Variants in FBH1 observed in about 807,000 individuals in gnomAD.
FBH1 encodes the protein F-box DNA helicase 1, also known as DNA 3'-5' helicase 1.
FBH1 carries 43 observed loss-of-function variants against 115.5 expected under a neutral mutation model. The observed-to-expected ratio is 0.37, with a 90% CI of 0.29 to 0.48. FBH1 has a LOEUF of 0.48. Ranked by LOEUF, FBH1 falls within the 20% of genes least tolerant of loss-of-function variation. The pLI, the probability that FBH1 is intolerant of heterozygous loss-of-function variation, is 0.99. For synonymous variants in FBH1, 524 were observed against 507.8 expected (o/e 1.03, Z -0.43); for missense variants, 1,001 against 1,337.3 (o/e 0.75, Z 3.92).
rs575545674 is a variant in FBH1 at position 5,909,807 on chromosome 10, C to T, written c.1020+513C>T. ...TCTTCGAAGCTACGTGCAACCTCTGCGTGTGTTTTACTGGCCACAGAGGGC... is the reference window on the plus strand; with the variant it reads ...TCTTCGAAGCTACGTGCAACCTCTGTGTGTGTTTTACTGGCCACAGAGGGC... On this transcript the variant is annotated intron_variant, in intron 5 of 20. Transcript: ENST00000362091. The surrounding 1 kb of genome is among the most constrained non-coding windows in gnomAD (Gnocchi z 4.4). Among the ~76,000 whole-genome samples the T allele has an allele frequency of 1.3e-5, 2 of 152,288 alleles. No individual in the cohort carries two copies. Among genetic ancestry groups the T allele is most frequent in the African/African-American group, 2.4e-5 (1 of 41,552 alleles).
At position 5,906,184 on chromosome 10, in the gene FBH1, C is replaced by T. The variant is rs1245640156; in HGVS notation, c.305C>T (p.Ala102Val). Reference sequence around the variant, plus strand: ...ATCTTTCCTGCAGAGAGCAGCTGTGCACTGCCTCAGGAAGGCAGTGCAGGG... The same window carrying T: ...ATCTTTCCTGCAGAGAGCAGCTGTGTACTGCCTCAGGAAGGCAGTGCAGGG... ...DMIFPAESSC[A>V]LPQEGSAGPG... Residue 102 changes from alanine (A) to valine (V), a missense_variant, in exon 3 of 21, where the codon GCA becomes GTA. Ala to Val is a moderately conservative substitution (Grantham distance 64). Coordinates refer to ENST00000362091, the MANE Select transcript of FBH1 (RefSeq NM_178150.3). The surrounding 1 kb of genome is among the most constrained non-coding windows in gnomAD (Gnocchi z 7.3). 1.9e-6 allele frequency: 3 copies of T among 1,614,210 alleles called. No individual in the cohort carries two copies. In the South Asian group the frequency reaches 3.3e-5, roughly 18 times the overall value.
At chr10:5,894,044 G>A in intron 1 of FBH1, 1 of 985,386 alleles carries the variant, frequency 1.0e-6, no homozygotes. Flanking sequence ...GTCTCCAAGG[G>A]AGTCACAGGT....
intron 9 of FBH1, 171 bp from the exon 10 acceptor site, chr10:5,916,063 A>T: frequency 1.6e-6 from 1 of 627,700 alleles, no homozygotes; most frequent in East Asian, 2.8e-5. Flanking sequence ...CCTGAAAGCC[A>T]TTTCCAGTCA....
chr10:5,906,468 T>C lies in FBH1; in HGVS notation c.589T>C (p.Tyr197His). 1 of 1,614,166 alleles carries C rather than the reference T, an allele frequency of 6.2e-7. No individual in the cohort carries two copies. The highest frequency in any genetic ancestry group is 1.3e-5 in the African/African-American group (1 of 75,020). Residue 197 changes from tyrosine (Y) to histidine (H), a missense_variant, in exon 3 of 21, where the codon TAT becomes CAT. Physicochemically the swap from Tyr to His is moderately conservative, Grantham distance 83. This residue lies in a region of FBH1 where 420 missense variants were observed against 430.4 expected (regional missense o/e 0.98). Transcript: ENST00000362091. The surrounding 1 kb of genome is among the most constrained non-coding windows in gnomAD (Gnocchi z 7.3). ...VGPDPIPDSY[Y>H]GLLGTLPCQE... ...TCCTGATCCCATTCCTGACTCATAC[T>C]ATGGGCTTCTTGGGACCTTGCCCTG...
In FBH1 at chr10:5,937,535, T is replaced by A. The variant is rs1412292110; in HGVS notation, c.*255T>A. On this transcript the variant is annotated 3_prime_UTR_variant, in exon 21 of 21. Transcript: ENST00000362091. ...CTTTTGATAAAAAAAAAAAAAAAAA[T>A]TTATGTATTTAAACTTTTATTACAA... 1.1e-4 allele frequency: 33 copies of A among 310,814 alleles called. No homozygotes were observed. The East Asian group carries it at 1.5e-3, about 14-fold the overall frequency. 19.3% of individuals were successfully genotyped at this position (310,814 alleles called of 1,614,324 possible).
chr10:5,892,353 G>T (rs1842782758), intron 1 of FBH1, among the ~76,000 whole-genome samples: 3 of 152,296 alleles, frequency 2.0e-5, no homozygotes, highest in Admixed American at 2.0e-4. Flanking sequence ...TTGTGAGTGT[G>T]TGTAGACACC....
chr10:5,917,111 T>A lies in FBH1; in HGVS notation c.1789-309T>A. 1 of 317,740 alleles carries A rather than the reference T, an allele frequency of 3.1e-6. No homozygotes were observed. The highest frequency in any genetic ancestry group is 4.7e-5 in the South Asian group (1 of 21,210). The allele number at this position is 317,740 out of a possible 1,614,324, so 19.7% of individuals were successfully genotyped here. ...TCAAGTCTTTTCAATCATGTGCCAT[T>A]GTTTTTGTGAATTAAGCATCAGTCA... is the stretch of plus-strand genomic sequence containing the variant. On this transcript the variant is annotated intron_variant, in intron 10 of 20. Transcript: ENST00000362091. The surrounding 1 kb of genome is among the most constrained non-coding windows in gnomAD (Gnocchi z 5.6).
In FBH1 at chr10:5,923,665, C is replaced by T; in HGVS notation, c.2367C>T (p.Ile789=). Residue 789 remains isoleucine (I), a synonymous_variant, in exon 16 of 21, where the codon ATC becomes ATT. Coordinates refer to ENST00000362091, the MANE Select transcript of FBH1 (RefSeq NM_178150.3). This position sits in a 1 kb window ranked among gnomAD's most constrained non-coding sequence, Gnocchi z 5.7. The stretch of plus-strand genomic sequence containing the variant: ...TGGACAGAATCATTGATATTTGGAT[C>T]CTTCTTCAGCCAGAGGAAGAACGGA... ...FGLDRIIDIW[I]LLQPEEERRK... The T allele has an allele frequency of 6.2e-7, 1 of 1,614,168 alleles. No homozygotes were observed. The highest frequency in any genetic ancestry group is 1.1e-5 in the South Asian group (1 of 91,080).
rs541527230 is a variant in FBH1, at chr10:5,933,245, G to A, written c.2830-3211G>A. 2.6e-5 allele frequency among the ~76,000 whole-genome samples: 4 copies of A among 152,202 alleles called. No individual in the cohort carries two copies. The South Asian group carries it at 6.2e-4, about 24-fold the overall frequency. On this transcript the variant is annotated intron_variant, in intron 19 of 20. Coordinates refer to ENST00000362091, the MANE Select transcript of FBH1 (RefSeq NM_178150.3). The surrounding 1 kb of genome is among the most constrained non-coding windows in gnomAD (Gnocchi z 4.9). ...TCTACTAAAAATACAAAAATTAGCT[G>A]GGTGTAGTGGCGTATGCCTGTAATC...
Position 5,895,565 on chromosome 10 carries a change from T to TC in FBH1, c.1+5221dup, listed in dbSNP as rs549940457. 2.0e-5 allele frequency among the ~76,000 whole-genome samples: 3 copies of TC among 152,266 alleles called. No homozygotes were observed. The highest frequency in any genetic ancestry group is 7.2e-5 in the African/African-American group (3 of 41,554). ...AAGCTTTGCTGCAGTGACAAATAGATCCAGACATGTAATGGCCTCACAATA... is the reference window on the plus strand; with the variant it reads ...AAGCTTTGCTGCAGTGACAAATAGATCCCAGACATGTAATGGCCTCACAATA... On this transcript the variant is annotated intron_variant, in intron 1 of 20. Coordinates refer to ENST00000362091, the MANE Select transcript of FBH1 (RefSeq NM_178150.3). The surrounding 1 kb of genome is among the most constrained non-coding windows in gnomAD (Gnocchi z 5.0).
rs1220550196 is a variant in FBH1, at chr10:5,924,436, A to G, written c.2524A>G (p.Lys842Glu). 6.2e-7 allele frequency: 1 copy of G among 1,614,216 alleles called. No homozygotes were observed. Among genetic ancestry groups the G allele is most frequent in the East Asian group, 2.2e-5 (1 of 44,888 alleles). Residue 842 changes from lysine (K) to glutamate (E), a missense_variant, in exon 17 of 21, where the codon AAG becomes GAG. By Grantham distance (56) the Lys-to-Glu change is moderately conservative. This residue lies in a region of FBH1 where 521 missense variants were observed against 811.0 expected (regional missense o/e 0.64). Transcript: ENST00000362091. This position sits in a 1 kb window ranked among gnomAD's most constrained non-coding sequence, Gnocchi z 6.2. ...ELEAKIAVVE[K>E]YNIRIPELVQ... ...TGAAGCCAAGATCGCAGTTGTTGAAAAGTATAACATCAGGATTCCAGAGCT... is the reference window on the plus strand; with the variant it reads ...TGAAGCCAAGATCGCAGTTGTTGAAGAGTATAACATCAGGATTCCAGAGCT...
intron 2 of FBH1, among the ~76,000 whole-genome samples, chr10:5,905,521 A>G (rs1245622745): frequency 1.3e-5 from 2 of 150,846 alleles, no homozygotes; most frequent in African/African-American, 2.5e-5. Flanking sequence ...CCATCTAAAA[A>G]ATAAATAAAT....
At position 5,931,264 on chromosome 10, in the gene FBH1, G is replaced by A. The variant is rs1832955577; in HGVS notation, c.2829+3723G>A. On this transcript the variant is annotated intron_variant, in intron 19 of 20. Coordinates refer to ENST00000362091, the MANE Select transcript of FBH1 (RefSeq NM_178150.3). This position sits in a 1 kb window ranked among gnomAD's most constrained non-coding sequence, Gnocchi z 4.3. The stretch of plus-strand genomic sequence containing the variant: ...CAGCAGATACGCATTACCTTGCTTT[G>A]TTGCACAACGGCACCTTTTTCTTTT... 6.6e-6 allele frequency among the ~76,000 whole-genome samples: 1 copy of A among 152,168 alleles called. No homozygotes were observed. The highest frequency in any genetic ancestry group is 2.4e-5 in the African/African-American group (1 of 41,430).
intron 2 of FBH1, among the ~76,000 whole-genome samples, 156 bp downstream of exon 2, chr10:5,903,331 GT>G (rs35963724): frequency 0.035 from 4,997 of 141,488 alleles, 116 homozygotes; most frequent in East Asian, 0.14. Context: ...TTTCCATGAA[GT>G]TTTTTTTTTT....
At position 5,933,484 on chromosome 10, in the gene FBH1, A is replaced by G. The variant is rs1353982374; in HGVS notation, c.2830-2972A>G. On this transcript the variant is annotated intron_variant, in intron 19 of 20. Transcript: ENST00000362091. This position sits in a 1 kb window ranked among gnomAD's most constrained non-coding sequence, Gnocchi z 4.9. ...GCATTTTGTTTTCCCCATAGAAGAA[A>G]AGAATACAGAATCTAGAGAAATACT... Among the ~76,000 whole-genome samples, 1 of 152,242 alleles carries G rather than the reference A, an allele frequency of 6.6e-6. No homozygotes were observed. Among genetic ancestry groups the G allele is most frequent in the Non-Finnish European group, 1.5e-5 (1 of 68,046 alleles).
rs1832093922 is a variant in FBH1, at chr10:5,918,237, C to T, written c.1964-105C>T. 7.1e-7 allele frequency: 1 copy of T among 1,400,294 alleles called. No individual in the cohort carries two copies. Among genetic ancestry groups the T allele is most frequent in the African/African-American group, 1.5e-5 (1 of 68,368 alleles). 86.7% of individuals were successfully genotyped at this position (1,400,294 alleles called of 1,614,324 possible). Reference sequence around the variant, plus strand: ...CTACAGGAAAAGGCGACCGTGAGGTCCAGTGTGCCCTGGCTTAGCTTCGTG... The same window carrying T: ...CTACAGGAAAAGGCGACCGTGAGGTTCAGTGTGCCCTGGCTTAGCTTCGTG... On this transcript the variant is annotated intron_variant, in intron 12 of 20. Coordinates refer to ENST00000362091, the MANE Select transcript of FBH1 (RefSeq NM_178150.3). The surrounding 1 kb of genome is among the most constrained non-coding windows in gnomAD (Gnocchi z 4.0).
In FBH1 at chr10:5,933,682, G is replaced by A. The variant is rs541517038; in HGVS notation, c.2830-2774G>A. On this transcript the variant is annotated intron_variant, in intron 19 of 20. Coordinates refer to ENST00000362091, the MANE Select transcript of FBH1 (RefSeq NM_178150.3). This position sits in a 1 kb window ranked among gnomAD's most constrained non-coding sequence, Gnocchi z 4.9. The stretch of plus-strand genomic sequence containing the variant: ...TTAAAAAACAGAGTCTCACTCTGTC[G>A]CCCAGGCTGGAGGGCAGTGGTGTGA... Among the ~76,000 whole-genome samples the A allele has an allele frequency of 1.3e-3, 192 of 150,558 alleles. No individual in the cohort carries two copies. The highest frequency in any genetic ancestry group is 4.4e-3 in the African/African-American group (180 of 40,942).
rs543549471 is a variant in FBH1 at position 5,914,379 on chromosome 10, A to G, written c.1396+110A>G. On this transcript the variant is annotated intron_variant, in intron 8 of 20. Coordinates refer to ENST00000362091, the MANE Select transcript of FBH1 (RefSeq NM_178150.3). This position sits in a 1 kb window ranked among gnomAD's most constrained non-coding sequence, Gnocchi z 5.2. ...CTTTGCTCTGATCTGTCATCCAACT[A>G]ATAATTCAATAACAGATCAAATAAT... is the stretch of plus-strand genomic sequence containing the variant. The G allele has an allele frequency of 4.0e-5, 35 of 866,596 alleles. No individual in the cohort carries two copies. Among genetic ancestry groups the G allele is most frequent in the Non-Finnish European group, 5.7e-5 (30 of 526,916 alleles). 53.7% of individuals were successfully genotyped at this position (866,596 alleles called of 1,614,324 possible).
intron 20 of FBH1, 92 bp from the exon 21 acceptor site, chr10:5,937,018 G>A (rs1188025814): frequency 7.2e-7 from 1 of 1,391,632 alleles, no homozygotes; most frequent in Non-Finnish European, 9.7e-7. Flanking sequence ...CGTTGTCCCT[G>A]GGCAGCTGTG....
Sources: gnomAD v4.1 joint callset for allele counts (sites outside exome capture counted in the v4.1 genomes callset) on GRCh38, gnomAD v4.1.1 for gene constraint, gnomAD v4.1.1 regional missense constraint, Gnocchi (gnomAD v3.1) non-coding constraint, MANE v1.5 for transcripts, NCBI Gene and HGNC (gene_info 2026-07-23, HGNC 2026-07-21) for gene names.